NFIC: variants seen among roughly 807,000 people sequenced by gnomAD.
The protein encoded by NFIC is nuclear factor I C.
A neutral mutation model predicts 54.4 loss-of-function variants in NFIC; 12 were observed. The observed-to-expected ratio is 0.22, with a 90% CI of 0.14 to 0.36. NFIC has a LOEUF of 0.36. NFIC is among the 10% of genes least tolerant of loss of function. NFIC has a pLI of 1.00. For missense variants in NFIC, 575 were observed against 718.2 expected, an observed-to-expected ratio of 0.80 and a Z score of 2.28; for synonymous variants, 322 against 319.2, an observed-to-expected ratio of 1.01 and a Z score of -0.09.
rs1238558673 is a variant in NFIC at position 3,370,794 on chromosome 19, A to T, written c.30+4128A>T. 6.6e-6 allele frequency among the ~76,000 whole-genome samples: 1 copy of T among 151,484 alleles called. No homozygotes were observed. The highest frequency in any genetic ancestry group is 1.9e-4 in the East Asian group (1 of 5,130). ...GGCCTCCCTCCCTGTCTCACACCAA[A>T]TGGATGGGAAATGCTGCCTGGGCCT... is the stretch of plus-strand genomic sequence containing the variant. On this transcript the variant is annotated intron_variant, in intron 1 of 10. Coordinates refer to ENST00000443272, the MANE Select transcript of NFIC (RefSeq NM_001245002.2). This position sits in a 1 kb window ranked among gnomAD's most constrained non-coding sequence, Gnocchi z 5.2.
chr19:3,415,707 T>C (rs1057406452), intron 2 of NFIC, among the ~76,000 whole-genome samples: 1 of 152,196 alleles, frequency 6.6e-6, no homozygotes, highest in Non-Finnish European at 1.5e-5. Flanking sequence ...TGCTGCCTTT[T>C]CGTAAATGCT....
intron 2 of NFIC, among the ~76,000 whole-genome samples, chr19:3,388,944 G>A (rs2081339359): frequency 6.6e-6 from 1 of 152,198 alleles, no homozygotes; most frequent in Non-Finnish European, 1.5e-5. Flanking sequence ...GGCGGAGGTT[G>A]CAGCGAGCTG....
rs1019452902 is a variant in NFIC at position 3,453,639 on chromosome 19, G to A, written c.1270-124G>A. 1.3e-5 allele frequency: 17 copies of A among 1,331,310 alleles called. No individual in the cohort carries two copies. The highest frequency in any genetic ancestry group is 3.3e-5 in the Admixed American group (1 of 30,342). The allele number at this position is 1,331,310 out of a possible 1,614,324, so 82.5% of individuals were successfully genotyped here. A position where few individuals can be genotyped will look rare whatever the true frequency, so the allele number is the denominator to read the frequency against. On this transcript the variant is annotated intron_variant, in intron 8 of 10. Transcript: ENST00000443272. The surrounding 1 kb of genome is among the most constrained non-coding windows in gnomAD (Gnocchi z 6.7). ...CACCAAACCCGCCATGGTCACACCC[G>A]CGCCCTGGCCCCCCAGCCTGCCACC...
intron 2 of NFIC, among the ~76,000 whole-genome samples, chr19:3,397,406 G>C (rs2081481950): frequency 6.6e-6 from 1 of 152,230 alleles, no homozygotes; most frequent in South Asian, 2.1e-4. Flanking sequence ...GCAGGCCGCA[G>C]GTTCAGCTGG....
rs1490407203 is a variant in NFIC at position 3,453,291 on chromosome 19, AAAACC to A, written c.1270-470_1270-466del. ...GGGGCAGGAAGACATTGATTACAAA[AAAACC>A]ACCAAACTCAGTTCGAGCAAGACAG... On this transcript the variant is annotated intron_variant, in intron 8 of 10. Transcript: ENST00000443272. This position sits in a 1 kb window ranked among gnomAD's most constrained non-coding sequence, Gnocchi z 6.7. Among the ~76,000 whole-genome samples, 2 of 152,284 alleles carry A rather than the reference AAAACC, an allele frequency of 1.3e-5. No individual in the cohort carries two copies. The highest frequency in any genetic ancestry group is 3.9e-4 in the East Asian group (2 of 5,176).
At chr19:3,447,070 G>A (rs2145668201) in intron 6 of NFIC, among the ~76,000 whole-genome samples, 1 of 151,554 alleles carries the variant, frequency 6.6e-6, no homozygotes, top group East Asian at 1.9e-4. Flanking sequence ...AGGCCGAGGT[G>A]GGTGGATCAC....
chr19:3,392,549 C>G (rs115972665), intron 2 of NFIC, among the ~76,000 whole-genome samples: 3 of 152,168 alleles, frequency 2.0e-5, no homozygotes, highest in African/African-American at 7.2e-5. Flanking sequence ...CCTGAGGGAG[C>G]CCTCATTCAC....
intron 6 of NFIC, among the ~76,000 whole-genome samples, chr19:3,438,562 C>T (rs887674272): frequency 6.6e-5 from 10 of 151,902 alleles, no homozygotes; most frequent in African/African-American, 2.2e-4. Context: ...CTCAGCCTCC[C>T]GAGTAGCTGG....
At position 3,435,151 on chromosome 19, in the gene NFIC, C is replaced by G; in HGVS notation, c.902C>G (p.Thr301Ser). 6.2e-7 allele frequency: 1 copy of G among 1,605,332 alleles called. No homozygotes were observed. The highest frequency in any genetic ancestry group is 8.5e-7 in the Non-Finnish European group (1 of 1,176,816). The change falls in exon 6 of 11, where the codon ACT (threonine) becomes AGT (serine). Residue 301 changes from threonine (T) to serine (S), a missense_variant. Physicochemically the swap from Thr to Ser is moderately conservative, Grantham distance 58. Coordinates refer to ENST00000443272, the MANE Select transcript of NFIC (RefSeq NM_001245002.2). ...VDTSPGGDYY[T>S]SPSSPTSSSR... is the part of the protein sequence containing the mutation. ...ACGAGCCCTGGCGGCGATTACTACA[C>G]TTCGCCCAGCTCGCCCACGAGTAGC...
chr19:3,439,170 T>TA (rs769503632), intron 6 of NFIC, among the ~76,000 whole-genome samples: 20,218 of 131,648 alleles, frequency 0.15, 2,906 homozygotes, highest in African/African-American at 0.38. Context: ...CATCTCTACT[T>TA]AAAAAAAAAA....
chr19:3,390,198 G>A (rs2081356525), intron 2 of NFIC, among the ~76,000 whole-genome samples: 1 of 152,242 alleles, frequency 6.6e-6, no homozygotes, highest in Admixed American at 6.5e-5. Context: ...CAGCAGAGGG[G>A]TGAGGGGTTC....
Position 3,369,208 on chromosome 19 carries a change from TTC to T in NFIC, c.30+2546_30+2547del, listed in dbSNP as rs754548361. ...GTCTGTCCGATGTGTCTCTGTCTGT[TTC>T]TCTGTCTCTGTCTCTCTGCCCCCTT... On this transcript the variant is annotated intron_variant, in intron 1 of 10. Coordinates refer to ENST00000443272, the MANE Select transcript of NFIC (RefSeq NM_001245002.2). This position sits in a 1 kb window ranked among gnomAD's most constrained non-coding sequence, Gnocchi z 4.3. Among the ~76,000 whole-genome samples, 19 of 151,972 alleles carry T rather than the reference TTC, an allele frequency of 1.3e-4. No homozygotes were observed. The highest frequency in any genetic ancestry group is 3.9e-4 in the Admixed American group (6 of 15,268).
intron 6 of NFIC, among the ~76,000 whole-genome samples, chr19:3,438,918 A>G (rs1022666828): frequency 6.6e-6 from 1 of 152,106 alleles, no homozygotes; most frequent in African/African-American, 2.4e-5. Context: ...CACAGAAGAC[A>G]GTCAGGGGGA....
rs759070916 is a variant in NFIC, at chr19:3,452,594, T to A, written c.1197T>A (p.His399Gln). Residue 399 changes from histidine (H) to glutamine (Q), a missense_variant, in exon 8 of 11, where the codon CAT becomes CAA. Coordinates refer to ENST00000443272, the MANE Select transcript of NFIC (RefSeq NM_001245002.2). The surrounding 1 kb of genome is among the most constrained non-coding windows in gnomAD (Gnocchi z 5.3). Reference sequence around the variant, plus strand: ...ACACGGCCATCCGCTACCCACCTCATCTCAACCCCCAGGACCCGCTCAAAG... The same window carrying A: ...ACACGGCCATCCGCTACCCACCTCAACTCAACCCCCAGGACCCGCTCAAAG... Reference protein sequence around the residue: ...FPHTAIRYPPHLNPQDPLKDL... With the variant: ...FPHTAIRYPPQLNPQDPLKDL... The A allele has an allele frequency of 1.9e-6, 3 of 1,613,684 alleles. No individual in the cohort carries two copies. Among genetic ancestry groups the A allele is most frequent in the Non-Finnish European group, 2.5e-6 (3 of 1,179,956 alleles).
chr19:3,422,461 T>G (rs2145596846), intron 2 of NFIC, among the ~76,000 whole-genome samples: 1 of 149,238 alleles, frequency 6.7e-6, no homozygotes, highest in East Asian at 2.1e-4. Context: ...CTCACGCCTG[T>G]AATCCCAGCA....
At chr19:3,385,455 C>T (rs1177148298) in intron 2 of NFIC, among the ~76,000 whole-genome samples, 2 of 152,092 alleles carry the variant, frequency 1.3e-5, no homozygotes, top group Non-Finnish European at 2.9e-5. Context: ...AGACCAGGCA[C>T]TAGGCAGGGG....
upstream of NFIC, chr19:3,366,546 T>TG (rs1568394588): frequency 1.6e-5 from 5 of 317,332 alleles, no homozygotes; most frequent in South Asian, 2.4e-4. Flanking sequence ...GGGGGGGGGG[T>TG]TGGGGGGGGC....
rs1266910439 is a variant in NFIC at position 3,464,453 on chromosome 19, C to T, written c.*1684C>T. ...TCCACCCCCACCCCAGGATCGCCAT[C>T]TTTAGGGGAGGCCTGGGAGGGGGTG... is the stretch of plus-strand genomic sequence containing the variant. On this transcript the variant is annotated 3_prime_UTR_variant, in exon 11 of 11. Transcript: ENST00000443272. The T allele has an allele frequency of 4.1e-6, 4 of 984,352 alleles. No homozygotes were observed. The highest frequency in any genetic ancestry group is 4.8e-6 in the Non-Finnish European group (4 of 829,544). 61.0% of individuals were successfully genotyped at this position (984,352 alleles called of 1,614,324 possible).
At chr19:3,416,282 A>G (rs1042582183) in intron 2 of NFIC, among the ~76,000 whole-genome samples, 7 of 149,710 alleles carry the variant, frequency 4.7e-5, no homozygotes, top group African/African-American at 1.7e-4. Context: ...ATATACCTAT[A>G]TATATTAAAA....
Sources: gnomAD v4.1 joint callset for allele counts (sites outside exome capture counted in the v4.1 genomes callset) on GRCh38, gnomAD v4.1.1 for gene constraint, Gnocchi (gnomAD v3.1) non-coding constraint, MANE v1.5 for transcripts, NCBI Gene and HGNC (gene_info 2026-07-23, HGNC 2026-07-21) for gene names.